Variants in HK2 observed in about 807,000 individuals in gnomAD.
HK2 encodes hexokinase-2.
In HK2, 42 loss-of-function variants were observed where a neutral mutation model predicts 92.9. The ratio of observed to expected loss-of-function variants is 0.45; its 90% confidence interval spans 0.35 to 0.58. The LOEUF (loss-of-function observed/expected upper bound fraction) is 0.58, where lower values mean the gene tolerates loss of function less well. Ranked by LOEUF, HK2 falls within the 20% of genes least tolerant of loss-of-function variation. The pLI, the probability that HK2 is intolerant of heterozygous loss-of-function variation, is 0.00. For synonymous variants in HK2, 422 were observed against 468.0 expected, an observed-to-expected ratio of 0.90 and a Z score of 1.27; for missense variants, 978 against 1,245.1, an observed-to-expected ratio of 0.79 and a Z score of 3.23.
intron 14 of HK2, 21 bp from the exon 15 acceptor site, chr2:74,886,469 C>T (rs750423558): frequency 1.9e-6 from 3 of 1,614,000 alleles, no homozygotes; most frequent in South Asian, 1.1e-5. Flanking sequence ...GAGTGAGGCC[C>T]TGGTATCCTG....
At position 74,877,195 on chromosome 2, in the gene HK2, T is replaced by C; in HGVS notation, c.905T>C (p.Met302Thr). Residue 302 changes from methionine to threonine, a missense_variant, in exon 8 of 18, where the codon ATG becomes ACG. Coordinates refer to ENST00000290573, the MANE Select transcript of HK2 (RefSeq NM_000189.5). The stretch of plus-strand genomic sequence containing the variant: ...GAGAAGATGATCAGTGGGATGTACA[T>C]GGGGGAGCTGGTGAGGCTTATCCTG... ...LFEKMISGMY[M>T]GELVRLILVK... The C allele has an allele frequency of 1.9e-6, 3 of 1,614,082 alleles. No homozygotes were observed. The highest frequency in any genetic ancestry group is 1.1e-5 in the South Asian group (1 of 91,082).
chr2:74,864,841 C>T (rs1275773074), intron 2 of HK2, among the ~76,000 whole-genome samples: 1 of 152,212 alleles, frequency 6.6e-6, no homozygotes, highest in Non-Finnish European at 1.5e-5. Flanking sequence ...CAACATAGTC[C>T]ATGTTTCACG....
intron 1 of HK2, among the ~76,000 whole-genome samples, chr2:74,842,307 A>G (rs930889982): frequency 6.6e-6 from 1 of 152,236 alleles, no homozygotes; most frequent in Non-Finnish European, 1.5e-5. Flanking sequence ...CAGTATTTAT[A>G]TAACCATTAT....
intron 1 of HK2, among the ~76,000 whole-genome samples, chr2:74,845,118 T>C (rs755013686): frequency 1.3e-5 from 2 of 152,156 alleles, no homozygotes; most frequent in Non-Finnish European, 2.9e-5. Flanking sequence ...CAGATTCACA[T>C]TGATGTATGT....
chr2:74,867,578 G>T, intron 2 of HK2, 58 bp from the exon 3 acceptor site: 4 of 1,602,574 alleles, frequency 2.5e-6, no homozygotes, highest in Non-Finnish European at 3.4e-6. Context: ...TTTAAGTCTC[G>T]GTTGGTTCCT....
chr2:74,850,960 G>A (rs1327272600), intron 1 of HK2, among the ~76,000 whole-genome samples: 1 of 151,502 alleles, frequency 6.6e-6, no homozygotes, highest in African/African-American at 2.4e-5. Context: ...TGAAAGAGGG[G>A]AAGTTTGGGC....
At chr2:74,869,116 G>A (rs1174510089) in intron 3 of HK2, among the ~76,000 whole-genome samples, 4 of 149,462 alleles carry the variant, frequency 2.7e-5, no homozygotes, top group South Asian at 2.1e-4. Context: ...AGTATAGTCC[G>A]GATTAAAAAA....
At chr2:74,850,425 G>A (rs1688538786) in intron 1 of HK2, among the ~76,000 whole-genome samples, 1 of 152,208 alleles carries the variant, frequency 6.6e-6, no homozygotes, top group Non-Finnish European at 1.5e-5. Flanking sequence ...AGCCTCTCAG[G>A]CTTGGAAGTA....
intron 12 of HK2, among the ~76,000 whole-genome samples, chr2:74,884,044 T>C (rs1262505542): frequency 6.6e-6 from 1 of 152,222 alleles, no homozygotes; most frequent in Non-Finnish European, 1.5e-5. Flanking sequence ...TGTATATCCT[T>C]CTTCTAGACT....
At chr2:74,844,147 T>G (rs1210722516) in intron 1 of HK2, among the ~76,000 whole-genome samples, 1 of 152,162 alleles carries the variant, frequency 6.6e-6, no homozygotes, top group African/African-American at 2.4e-5. Context: ...GGGTTATGAG[T>G]CAGGTATCAG....
intron 1 of HK2, among the ~76,000 whole-genome samples, chr2:74,840,293 T>A (rs1332772743): frequency 6.6e-6 from 1 of 151,228 alleles, no homozygotes; most frequent in African/African-American, 2.4e-5. Context: ...CTTTTCAAAG[T>A]TGAACTTTTC....
At position 74,892,821 on chromosome 2, in the gene HK2, TC is replaced by T. The variant is rs1243792493; in HGVS notation, c.*1881del. 1.3e-5 allele frequency: 2 copies of T among 152,132 alleles called. No individual in the cohort carries two copies. The highest frequency in any genetic ancestry group is 2.9e-5 in the Non-Finnish European group (2 of 68,022). 9.4% of individuals were successfully genotyped at this position (152,132 alleles called of 1,614,324 possible). A position where few individuals can be genotyped will look rare whatever the true frequency, so the allele number is the denominator to read the frequency against. On this transcript the variant is annotated 3_prime_UTR_variant, in exon 18 of 18. Transcript: ENST00000290573. ...CACAGAGGGGCTAGGGGCTGGTCCT[TC>T]TCGTTTGCTCTAGTCTTGCTTTGCT...
chr2:74,867,568 T>C (rs1688983884), intron 2 of HK2, 68 bp from the exon 3 acceptor site: 1 of 1,588,194 alleles, frequency 6.3e-7, no homozygotes, highest in Non-Finnish European at 8.6e-7. Flanking sequence ...GACTTGGAGT[T>C]TTAAGTCTCG....
At chr2:74,852,240 T>C (rs943318022) in intron 1 of HK2, among the ~76,000 whole-genome samples, 2 of 152,232 alleles carry the variant, frequency 1.3e-5, no homozygotes, top group African/African-American at 4.8e-5. Flanking sequence ...CATTGGCTTC[T>C]GGTCTGGGTA....
intron 12 of HK2, among the ~76,000 whole-genome samples, chr2:74,883,776 T>A (rs1689457335): frequency 6.6e-6 from 1 of 152,248 alleles, no homozygotes; most frequent in Admixed American, 6.5e-5. Flanking sequence ...TCTTATGTAC[T>A]ATTTAATGGA....
chr2:74,873,800 C>T, intron 5 of HK2, 44 bp from the exon 6 acceptor site: 1 of 1,384,744 alleles, frequency 7.2e-7, no homozygotes, highest in Non-Finnish European at 1.0e-6. Flanking sequence ...GAAAGTCGCC[C>T]TCTGTGATGA....
At chr2:74,875,048 T>C (rs191113101) in intron 7 of HK2, among the ~76,000 whole-genome samples, 2 of 152,350 alleles carry the variant, frequency 1.3e-5, no homozygotes, top group Admixed American at 6.5e-5. Flanking sequence ...CTGAATATTG[T>C]ATTCTCCAGC....
Position 74,850,414 on chromosome 2 carries a change from G to A in HK2, c.64-3879G>A, listed in dbSNP as rs151223620. 2.0e-3 allele frequency among the ~76,000 whole-genome samples: 310 copies of A among 152,310 alleles called. 1 individual carries two copies. The highest frequency in any genetic ancestry group is 7.1e-3 in the African/African-American group (296 of 41,568). On this transcript the variant is annotated intron_variant, in intron 1 of 17. Coordinates refer to ENST00000290573, the MANE Select transcript of HK2 (RefSeq NM_000189.5). Reference sequence around the variant, plus strand: ...CAAAAATGGAATTTAGAGAAATAGCGAGCCTCTCAGGCTTGGAAGTATTCA... The same window carrying A: ...CAAAAATGGAATTTAGAGAAATAGCAAGCCTCTCAGGCTTGGAAGTATTCA...
intron 6 of HK2, 127 bp from the exon 7 acceptor site, chr2:74,874,139 C>T (rs540173844): frequency 4.1e-6 from 5 of 1,211,862 alleles, no homozygotes; most frequent in East Asian, 4.8e-5. Flanking sequence ...ATTGTGATGC[C>T]CCCAGAGTCT....
Sources: allele counts gnomAD v4.1 joint callset (sites outside exome capture counted in the v4.1 genomes callset), GRCh38; gene constraint gnomAD v4.1.1; transcripts MANE v1.5; gene names NCBI Gene and HGNC (gene_info 2026-07-23, HGNC 2026-07-21).